The following PRKCH variants were observed in gnomAD, a reference collection of about 807,000 sequenced individuals.
The protein encoded by PRKCH is protein kinase C eta.
In PRKCH, 28 loss-of-function variants were observed where a neutral mutation model predicts 82.5. That is an observed-to-expected ratio of 0.34 (90% CI 0.25 to 0.47). The LOEUF (loss-of-function observed/expected upper bound fraction) is 0.47. Ranked by LOEUF, PRKCH falls within the 20% of genes least tolerant of loss-of-function variation. The probability of loss-of-function intolerance (pLI) is 1.00; values close to 1 mark genes in which losing one functional copy is unlikely to be tolerated. For synonymous variants in PRKCH, 322 were observed against 327.4 expected (o/e 0.98, Z 0.18); for missense variants, 705 against 881.8 (o/e 0.80, Z 2.54).
chr14:61,218,142 G>A (rs2044628060), intron 1 of PRKCH, among the ~76,000 whole-genome samples: 1 of 152,136 alleles, frequency 6.6e-6, no homozygotes, highest in African/African-American at 2.4e-5. Context: ...ACTGGAAAAT[G>A]AAGTTAAAAC....
At chr14:61,334,417 T>C (rs2045827775) in intron 1 of PRKCH, among the ~76,000 whole-genome samples, 1 of 152,146 alleles carries the variant, frequency 6.6e-6, no homozygotes, top group Non-Finnish European at 1.5e-5. Flanking sequence ...GTGGCTGCTT[T>C]ATCTGGAGTG....
At chr14:61,536,839 T>A (rs903786649) in intron 12 of PRKCH, among the ~76,000 whole-genome samples, 2 of 152,158 alleles carry the variant, frequency 1.3e-5, no homozygotes, top group Non-Finnish European at 2.9e-5. Flanking sequence ...GCCCTCCCTG[T>A]CATCACCTTT....
chr14:61,459,147 C>T (rs115172730), intron 9 of PRKCH, among the ~76,000 whole-genome samples: 3,492 of 152,262 alleles, frequency 0.023, 143 homozygotes, highest in African/African-American at 0.08. Context: ...GAGGGAGGGT[C>T]TGCCACAGAT....
intron 7 of PRKCH, among the ~76,000 whole-genome samples, chr14:61,454,899 A>T (rs1205031894): frequency 6.6e-6 from 1 of 152,084 alleles, no homozygotes; most frequent in Admixed American, 6.5e-5. Context: ...CAACTAATTA[A>T]TCTCTGGGTG....
At chr14:61,476,817 A>T (rs1036450494) in intron 9 of PRKCH, among the ~76,000 whole-genome samples, 1 of 152,176 alleles carries the variant, frequency 6.6e-6, no homozygotes, top group African/African-American at 2.4e-5. Context: ...TTGCTGGGTG[A>T]TTGAATTAAC....
rs146674206 is a variant in PRKCH at position 61,214,363 on chromosome 14, A to G, written c.-19+26695A>G. Among the ~76,000 whole-genome samples the G allele has an allele frequency of 3.8e-3, 583 of 152,296 alleles. 5 individuals are homozygous for G. Among genetic ancestry groups the G allele is most frequent in the Middle Eastern group, 0.034 (10 of 294 alleles). ...TTAAGAGTTTGGAAATTGCTGGATCATATGATCATCACGGTCCAGTCTATG... is the reference window on the plus strand; with the variant it reads ...TTAAGAGTTTGGAAATTGCTGGATCGTATGATCATCACGGTCCAGTCTATG... On this transcript the variant is annotated intron_variant, in intron 1 of 3. Coordinates refer to the PRKCH transcript ENST00000555185.
chr14:61,241,356 G>A (rs972894586), intron 1 of PRKCH, among the ~76,000 whole-genome samples: 3 of 152,150 alleles, frequency 2.0e-5, no homozygotes, highest in Non-Finnish European at 4.4e-5. Context: ...TCATTACATA[G>A]GCATGATTGA....
At chr14:61,451,263 G>A (rs1884496716) in intron 6 of PRKCH, among the ~76,000 whole-genome samples, 2 of 152,142 alleles carry the variant, frequency 1.3e-5, no homozygotes, top group African/African-American at 4.8e-5. Flanking sequence ...GTGTTTGGAA[G>A]AGAAAAAGAT....
chr14:61,371,977 GATTGTGCTCCTCAA>G lies in PRKCH; in HGVS notation c.364-19242_364-19229del, dbSNP rs1403481554. ...TTTAGGTTATAATCTAATATCACAT[GATTGTGCTCCTCAA>G]ATTGTTTCAGATTTGGTTTTTGGGA... On this transcript the variant is annotated intron_variant, in intron 1 of 13. Transcript: ENST00000332981. Among the ~76,000 whole-genome samples the G allele has an allele frequency of 3.3e-5, 5 of 151,998 alleles. No individual in the cohort carries two copies. The East Asian group carries it at 9.6e-4, about 29-fold the overall frequency.
At chr14:61,516,944 A>G (rs2139985200) in intron 10 of PRKCH, among the ~76,000 whole-genome samples, 1 of 152,234 alleles carries the variant, frequency 6.6e-6, no homozygotes, top group Middle Eastern at 3.4e-3. Flanking sequence ...TAATTCCAAG[A>G]GCCTGTGAGT....
intron 10 of PRKCH, among the ~76,000 whole-genome samples, chr14:61,516,899 T>C (rs893932695): frequency 6.6e-6 from 1 of 152,158 alleles, no homozygotes; most frequent in African/African-American, 2.4e-5. Context: ...AGCAATATCA[T>C]CTATAATCTA....
At position 61,443,883 on chromosome 14, in the gene PRKCH, G is replaced by A. The variant is rs1352263687; in HGVS notation, c.578+622G>A. ...GGCAAATGTAAAATAAATTTAAGCAGTAGTTATCTTTAGTGATAAATTAAG... is the reference window on the plus strand; with the variant it reads ...GGCAAATGTAAAATAAATTTAAGCAATAGTTATCTTTAGTGATAAATTAAG... On this transcript the variant is annotated intron_variant, in intron 3 of 13. Transcript: ENST00000332981. Among the ~76,000 whole-genome samples, 3 of 152,148 alleles carry A rather than the reference G, an allele frequency of 2.0e-5. No homozygotes were observed. In the East Asian group the frequency reaches 5.8e-4, roughly 29 times the overall value.
At chr14:61,439,428 T>G (rs971841312) in intron 2 of PRKCH, among the ~76,000 whole-genome samples, 1 of 152,202 alleles carries the variant, frequency 6.6e-6, no homozygotes, top group Non-Finnish European at 1.5e-5. Context: ...CAGGTGTGTG[T>G]GTAGGTGCAT....
chr14:61,289,313 G>A (rs1382668892), intron 1 of PRKCH, among the ~76,000 whole-genome samples: 2 of 152,200 alleles, frequency 1.3e-5, no homozygotes, highest in African/African-American at 4.8e-5. Flanking sequence ...ATCTTGAGGT[G>A]AACATAGTAG....
chr14:61,505,458 C>T (rs1220479317), intron 10 of PRKCH, among the ~76,000 whole-genome samples: 1 of 138,704 alleles, frequency 7.2e-6, no homozygotes, highest in African/African-American at 2.9e-5. Flanking sequence ...CCACTGCAAC[C>T]TCCACCTACC....
intron 1 of PRKCH, among the ~76,000 whole-genome samples, chr14:61,200,338 G>A (rs1228823957): frequency 6.6e-6 from 1 of 152,062 alleles, no homozygotes; most frequent in Non-Finnish European, 1.5e-5. Flanking sequence ...AGTCCACTGG[G>A]TTTCAGGAAA....
intron 1 of PRKCH, among the ~76,000 whole-genome samples, chr14:61,346,092 A>G (rs1238015330): frequency 6.6e-6 from 1 of 152,210 alleles, no homozygotes; most frequent in East Asian, 1.9e-4. Flanking sequence ...CCTGGGTAGC[A>G]GGGACACTTT....
At chr14:61,266,166 T>G (rs1171695753) in intron 1 of PRKCH, among the ~76,000 whole-genome samples, 1 of 152,022 alleles carries the variant, frequency 6.6e-6, no homozygotes, top group African/African-American at 2.4e-5. Context: ...GCCTGTAATC[T>G]CAGCACTTTG....
chr14:61,246,966 A>G (rs17098163), intron 1 of PRKCH, among the ~76,000 whole-genome samples: 8,204 of 152,068 alleles, frequency 0.054, 331 homozygotes, highest in East Asian at 0.16. Context: ...CTGTCTCCCA[A>G]TGGTTATTTG....
Sources: allele counts gnomAD v4.1 joint callset (sites outside exome capture counted in the v4.1 genomes callset), GRCh38; gene constraint gnomAD v4.1.1; transcripts MANE v1.5; gene names NCBI Gene and HGNC (gene_info 2026-07-23, HGNC 2026-07-21).